The following CELF2 variants were observed in gnomAD, a reference collection of about 807,000 sequenced individuals.
The protein encoded by CELF2 is CUG triplet repeat RNA-binding protein 2.
Under a neutral mutation model 62.6 loss-of-function variants are expected in CELF2, and 8 were observed. The observed-to-expected ratio is 0.13, with a 90% CI of 0.07 to 0.23. The LOEUF (loss-of-function observed/expected upper bound fraction) is 0.23, where lower values mean the gene tolerates loss of function less well. CELF2 is among the 10% of genes least tolerant of loss of function. CELF2 has a pLI of 1.00. For synonymous variants in CELF2, 258 were observed against 250.0 expected, an observed-to-expected ratio of 1.03 and a Z score of -0.30; for missense variants, 333 against 671.0, an observed-to-expected ratio of 0.50 and a Z score of 5.56.
At chr10:10,663,974 G>C in the CELF2 span, among the ~76,000 whole-genome samples, 1 of 152,070 alleles carries the variant, frequency 6.6e-6, no homozygotes, top group Non-Finnish European at 1.5e-5. Context: ...TAGCCTGCTA[G>C]AGCTTATCTT....
chr10:10,854,013 CT>C (rs1380393419), intron 1 of CELF2, among the ~76,000 whole-genome samples: 1 of 152,168 alleles, frequency 6.6e-6, no homozygotes, highest in Non-Finnish European at 1.5e-5. Context: ...ATTCTGTCAT[CT>C]AGAAATATTT....
At chr10:11,213,257 C>A (rs113454103) in intron 2 of CELF2, among the ~76,000 whole-genome samples, 1 of 152,230 alleles carries the variant, frequency 6.6e-6, no homozygotes, top group African/African-American at 2.4e-5. Context: ...GTGACTACCC[C>A]TTACACCGAT....
At chr10:11,050,819 CTT>C (rs1019932939) in intron 1 of CELF2, among the ~76,000 whole-genome samples, 23 of 152,338 alleles carry the variant, frequency 1.5e-4, no homozygotes, top group African/African-American at 5.3e-4. Context: ...CCTTCCCTGC[CTT>C]GCATGCAGAG....
At chr10:11,128,887 T>G (rs1391142486) in intron 1 of CELF2, among the ~76,000 whole-genome samples, 1 of 152,238 alleles carries the variant, frequency 6.6e-6, no homozygotes, top group Non-Finnish European at 1.5e-5. Context: ...CTTGACTGAT[T>G]GCCCTGGCCA....
the CELF2 span, among the ~76,000 whole-genome samples, chr10:10,520,029 C>T: frequency 2.0e-5 from 3 of 152,150 alleles, no homozygotes; most frequent in Non-Finnish European, 4.4e-5. Flanking sequence ...GGTTCCTGAC[C>T]TCAGTGTTCC....
the CELF2 span, among the ~76,000 whole-genome samples, chr10:10,630,531 T>C: frequency 1.1e-4 from 16 of 152,300 alleles, no homozygotes; most frequent in South Asian, 3.3e-3. Context: ...AATAGGACTC[T>C]AGTGACTACA....
At chr10:10,531,397 G>T in the CELF2 span, among the ~76,000 whole-genome samples, 1 of 152,172 alleles carries the variant, frequency 6.6e-6, no homozygotes, top group Non-Finnish European at 1.5e-5. Context: ...CCAAGGTCTT[G>T]TAGTATCCTT....
the CELF2 span, among the ~76,000 whole-genome samples, chr10:10,552,901 G>T: frequency 1.3e-5 from 2 of 152,234 alleles, no homozygotes; most frequent in South Asian, 4.1e-4. Flanking sequence ...GTCCCAGCCA[G>T]TCAGATTCCT....
chr10:11,207,595 G>A lies in CELF2; in HGVS notation c.272-9830G>A, dbSNP rs1018863594. Among the ~76,000 whole-genome samples, 1 of 152,260 alleles carries A rather than the reference G, an allele frequency of 6.6e-6. No homozygotes were observed. The highest frequency in any genetic ancestry group is 2.4e-5 in the African/African-American group (1 of 41,470). ...GACTGCCTCAGGCGGCCAGAGGGCG[G>A]TGCGGGTCCCACGCTGCCAGTGTAA... is the stretch of plus-strand genomic sequence containing the variant. On this transcript the variant is annotated intron_variant, in intron 2 of 12. Coordinates refer to ENST00000633077, the MANE Select transcript of CELF2 (RefSeq NM_001326342.2). This position sits in a 1 kb window ranked among gnomAD's most constrained non-coding sequence, Gnocchi z 4.1.
At chr10:10,701,867 A>G in the CELF2 span, among the ~76,000 whole-genome samples, 1 of 152,186 alleles carries the variant, frequency 6.6e-6, no homozygotes, top group Non-Finnish European at 1.5e-5. Flanking sequence ...ATCCCTAGCT[A>G]CCCACCTTTG....
At chr10:10,690,349 C>T in the CELF2 span, among the ~76,000 whole-genome samples, 8 of 152,142 alleles carry the variant, frequency 5.3e-5, no homozygotes, top group African/African-American at 1.9e-4. Context: ...AACATGTTTC[C>T]CAGTCTATCA....
chr10:10,530,533 AT>A, the CELF2 span, among the ~76,000 whole-genome samples: 1 of 152,152 alleles, frequency 6.6e-6, no homozygotes, highest in Non-Finnish European at 1.5e-5. Context: ...TCTCAGCCTC[AT>A]TTTTGTAGGC....
At chr10:10,793,444 T>C (rs974096477), upstream of CELF2, among the ~76,000 whole-genome samples, 26 of 152,188 alleles carry the variant, frequency 1.7e-4, no homozygotes, top group Non-Finnish European at 1.5e-5. Context: ...GAGCTGATGC[T>C]TGGGAAAAAC....
chr10:11,106,220 T>C (rs113368279), intron 1 of CELF2, among the ~76,000 whole-genome samples: 2 of 148,548 alleles, frequency 1.3e-5, no homozygotes, highest in African/African-American at 4.9e-5. Context: ...TATTTATTTA[T>C]TTATTTATTT....
intron 2 of CELF2, among the ~76,000 whole-genome samples, chr10:11,182,366 C>G (rs148347512): frequency 6.6e-6 from 1 of 152,208 alleles, no homozygotes; most frequent in African/African-American, 2.4e-5. Flanking sequence ...ACTTTATTCA[C>G]TTAGTGCCAA....
At chr10:10,673,194 T>C in the CELF2 span, among the ~76,000 whole-genome samples, 4 of 152,160 alleles carry the variant, frequency 2.6e-5, no homozygotes, top group Non-Finnish European at 4.4e-5. Context: ...TTTTTGTTAA[T>C]TTTTCAGATT....
At chr10:10,508,752 A>AATGCAATGG in the CELF2 span, among the ~76,000 whole-genome samples, 1 of 149,520 alleles carries the variant, frequency 6.7e-6, no homozygotes, top group Non-Finnish European at 1.5e-5. Flanking sequence ...CCCAGGCTGG[A>AATGCAATGG]ATGCAATGGC....
At chr10:11,109,105 A>G (rs1369714048) in intron 1 of CELF2, among the ~76,000 whole-genome samples, 1 of 152,202 alleles carries the variant, frequency 6.6e-6, no homozygotes, top group African/African-American at 2.4e-5. Flanking sequence ...TAGCTGCATT[A>G]GGTATATCTC....
chr10:11,108,948 G>T (rs2054403065), intron 1 of CELF2, among the ~76,000 whole-genome samples: 1 of 152,118 alleles, frequency 6.6e-6, no homozygotes, highest in African/African-American at 2.4e-5. Context: ...TTCACTGTTA[G>T]GTGTGGCACA....
Sources: gnomAD v4.1 joint callset for allele counts (sites outside exome capture counted in the v4.1 genomes callset) on GRCh38, gnomAD v4.1.1 for gene constraint, Gnocchi (gnomAD v3.1) non-coding constraint, MANE v1.5 for transcripts, NCBI Gene and HGNC (gene_info 2026-07-23, HGNC 2026-07-21) for gene names.